GATB: variants seen among roughly 807,000 people sequenced by gnomAD.
The protein encoded by GATB is glutamyl-tRNA amidotransferase subunit B.
Under a neutral mutation model 62.3 loss-of-function variants are expected in GATB, and 39 were observed. The observed-to-expected ratio is 0.63, with a 90% CI of 0.48 to 0.82. The LOEUF (loss-of-function observed/expected upper bound fraction) is 0.82. Among genes scored for constraint, GATB ranks in the 40% least tolerant of loss-of-function variants. The pLI is 0.00. For missense variants in GATB, 670 were observed against 684.0 expected, an observed-to-expected ratio of 0.98 and a Z score of 0.23; for synonymous variants, 276 against 258.9, an observed-to-expected ratio of 1.07 and a Z score of -0.63.
Position 151,760,931 on chromosome 4 carries a change from C to G in GATB, c.52G>C (p.Ala18Pro), listed in dbSNP as rs953011453. 1 of 1,613,788 alleles carries G rather than the reference C, an allele frequency of 6.2e-7. No homozygotes were observed. Among genetic ancestry groups the G allele is most frequent in the Non-Finnish European group, 8.5e-7 (1 of 1,179,930 alleles). ...TGGCAAGAACCACCGTCAACCCGGG[C>G]GAAAGCCCAACGTCTTCCACGGCAG... ...WGCRGRRWAFARVDGGSCHRR... is the reference protein window; with the variant it reads ...WGCRGRRWAFPRVDGGSCHRR... Residue 18 changes from alanine (A) to proline (P), a missense_variant, in exon 1 of 13, where the codon GCC becomes CCC. By Grantham distance (27) the Ala-to-Pro change is conservative (BLOSUM62 -1). Coordinates refer to ENST00000263985, the MANE Select transcript of GATB (RefSeq NM_004564.3).
At chr4:151,741,304 G>A (rs191715349) in intron 2 of GATB, among the ~76,000 whole-genome samples, 7 of 152,148 alleles carry the variant, frequency 4.6e-5, no homozygotes, top group Non-Finnish European at 1.0e-4. Context: ...TACACAAAGG[G>A]AAACTACAGA....
intron 2 of GATB, among the ~76,000 whole-genome samples, chr4:151,737,870 G>T (rs745441806): frequency 1.3e-5 from 2 of 152,202 alleles, no homozygotes; most frequent in Non-Finnish European, 2.9e-5. Flanking sequence ...AAGAACCAAG[G>T]TTTGGGAACC....
chr4:151,697,646 C>T (rs370762652), intron 9 of GATB, among the ~76,000 whole-genome samples: 28 of 148,888 alleles, frequency 1.9e-4, no homozygotes, highest in African/African-American at 4.9e-4. Context: ...TAAATATTTC[C>T]GTATATGTTT....
rs570615141 is a variant in GATB, at chr4:151,726,597, C to T, written c.328-7059G>A. Among the ~76,000 whole-genome samples the T allele has an allele frequency of 3.3e-5, 5 of 152,282 alleles. No individual in the cohort carries two copies. In the South Asian group the frequency reaches 6.2e-4, roughly 19 times the overall value. ...CTCTTTTGTTTAAATCCCTCTTTCCCGAAGGGGAAAGAAAATCAAATAGCC... is the reference window on the plus strand; with the variant it reads ...CTCTTTTGTTTAAATCCCTCTTTCCTGAAGGGGAAAGAAAATCAAATAGCC... On this transcript the variant is annotated intron_variant, in intron 2 of 12. Coordinates refer to ENST00000263985, the MANE Select transcript of GATB (RefSeq NM_004564.3).
At chr4:151,685,253 G>A (rs1400078781) in intron 10 of GATB, among the ~76,000 whole-genome samples, 1 of 152,144 alleles carries the variant, frequency 6.6e-6, no homozygotes, top group Non-Finnish European at 1.5e-5. Context: ...TGTTCCCACT[G>A]CACTGTGTCT....
At chr4:151,744,198 TA>T (rs1403822546) in intron 2 of GATB, among the ~76,000 whole-genome samples, 3 of 152,178 alleles carry the variant, frequency 2.0e-5, no homozygotes, top group African/African-American at 7.2e-5. Context: ...AAAAAATAGC[TA>T]AAGGGTTTTA....
At chr4:151,695,937 T>C (rs1738461673) in intron 9 of GATB, among the ~76,000 whole-genome samples, 1 of 141,132 alleles carries the variant, frequency 7.1e-6, no homozygotes, top group African/African-American at 2.9e-5. Context: ...TAAATTTTTT[T>C]TTTTTTTTTT....
At chr4:151,755,760 T>C (rs1237884527) in intron 2 of GATB, among the ~76,000 whole-genome samples, 1 of 152,228 alleles carries the variant, frequency 6.6e-6, no homozygotes, top group Non-Finnish European at 1.5e-5. Flanking sequence ...AAATAACTTA[T>C]CCTTTTCCCA....
At chr4:151,698,202 G>A (rs1055809471) in intron 9 of GATB, among the ~76,000 whole-genome samples, 5 of 151,656 alleles carry the variant, frequency 3.3e-5, no homozygotes, top group Admixed American at 6.6e-5. Context: ...TCACTCACCC[G>A]TCTGTCCACC....
At position 151,670,514 on chromosome 4, in the gene GATB, T is replaced by C. The variant is rs1737828271; in HGVS notation, c.*660A>G. 1 of 152,186 alleles carries C rather than the reference T, an allele frequency of 6.6e-6. No individual in the cohort carries two copies. The allele number at this position is 152,186 out of a possible 1,614,324, so 9.4% of individuals were successfully genotyped here. On this transcript the variant is annotated 3_prime_UTR_variant, in exon 13 of 13. Coordinates refer to ENST00000263985, the MANE Select transcript of GATB (RefSeq NM_004564.3). ...TTATTGGAAAACTTATTTTTTTAAT[T>C]CATTTATTCTCAGACTGTGCCTTCT...
At position 151,760,989 on chromosome 4, in the gene GATB, T is replaced by G. The variant is rs372046682; in HGVS notation, c.-7A>C. ...GCAGCATGGGCGCCGCCATTGTAAC[T>G]CCAGGGTCTTGGTCAGGTGACTCAG... On this transcript the variant is annotated 5_prime_UTR_variant, in exon 1 of 13. Coordinates refer to ENST00000263985, the MANE Select transcript of GATB (RefSeq NM_004564.3). 56 of 1,608,522 alleles carry G rather than the reference T, an allele frequency of 3.5e-5. No homozygotes were observed. The African/African-American group carries it at 5.0e-4, about 14-fold the overall frequency.
intron 2 of GATB, among the ~76,000 whole-genome samples, chr4:151,750,048 AT>A (rs1739686646): frequency 2.0e-5 from 3 of 151,772 alleles, no homozygotes. Flanking sequence ...CACCCAGCTA[AT>A]TTTTTGTACT....
chr4:151,687,347 G>A (rs1272120324), intron 10 of GATB, among the ~76,000 whole-genome samples: 1 of 152,192 alleles, frequency 6.6e-6, no homozygotes, highest in Non-Finnish European at 1.5e-5. Context: ...GGCCTATAAA[G>A]TTTATTCCTT....
chr4:151,705,449 G>A (rs1447845647), intron 6 of GATB, among the ~76,000 whole-genome samples, 180 bp from the exon 7 acceptor site: 1 of 152,064 alleles, frequency 6.6e-6, no homozygotes, highest in East Asian at 1.9e-4. Flanking sequence ...GTAGAATATT[G>A]GTGTTGGAAA....
At chr4:151,687,099 C>T (rs556079251) in intron 10 of GATB, 2 of 152,422 alleles carry the variant, frequency 1.3e-5, no homozygotes, top group South Asian at 4.1e-4. Flanking sequence ...TGGTGTCTGT[C>T]CCAGGAACTG....
At chr4:151,681,996 G>A (rs1177701445) in intron 10 of GATB, among the ~76,000 whole-genome samples, 1 of 152,156 alleles carries the variant, frequency 6.6e-6, no homozygotes, top group Non-Finnish European at 1.5e-5. Flanking sequence ...TTTGGGGGAG[G>A]ATCCCAACAT....
chr4:151,717,250 G>A (rs1217770163), intron 3 of GATB, 176 bp from the exon 4 acceptor site: 6 of 612,424 alleles, frequency 9.8e-6, no homozygotes, highest in Admixed American at 2.9e-5. Flanking sequence ...CATTGAGCCT[G>A]GTCTCTTCTG....
intron 11 of GATB, chr4:151,673,255 CG>C (rs898121079): frequency 3.2e-4 from 45 of 140,414 alleles, no homozygotes; most frequent in Admixed American, 6.8e-4. Context: ...CTCCACATGG[CG>C]GGGGGGGGCC....
At position 151,725,265 on chromosome 4, in the gene GATB, C is replaced by T. The variant is rs192748611; in HGVS notation, c.328-5727G>A. Among the ~76,000 whole-genome samples the T allele has an allele frequency of 4.0e-3, 607 of 152,352 alleles. 17 individuals carry two copies. The highest frequency in any genetic ancestry group is 7.3e-4 in the Non-Finnish European group (50 of 68,032). ...TCTTCTATCAGAGCCTCCTGCTGGC[C>T]TAACCCAGCCAGAAGCCAGCCGAGC... On this transcript the variant is annotated intron_variant, in intron 2 of 12. Coordinates refer to ENST00000263985, the MANE Select transcript of GATB (RefSeq NM_004564.3).
Sources: allele counts gnomAD v4.1 joint callset (sites outside exome capture counted in the v4.1 genomes callset), GRCh38; gene constraint gnomAD v4.1.1; transcripts MANE v1.5; gene names NCBI Gene and HGNC (gene_info 2026-07-23, HGNC 2026-07-21).